The following DLGAP2 variants were observed in gnomAD, a reference collection of about 807,000 sequenced individuals.
DLGAP2 encodes DLG associated protein 2, also known as disks large-associated protein 2.
A neutral mutation model predicts 100.3 loss-of-function variants in DLGAP2; 26 were observed. The observed-to-expected ratio is 0.26, with a 90% CI of 0.19 to 0.36. The LOEUF (loss-of-function observed/expected upper bound fraction) is 0.36. Among genes scored for constraint, DLGAP2 ranks in the 10% least tolerant of loss-of-function variants. DLGAP2 has a pLI of 1.00. For missense variants in DLGAP2, 1,858 were observed against 1,453.2 expected, an observed-to-expected ratio of 1.28 and a Z score of -4.53; for synonymous variants, 886 against 630.1, an observed-to-expected ratio of 1.41 and a Z score of -6.08.
chr8:1,199,434 A>G (rs1323996176), intron 2 of DLGAP2, among the ~76,000 whole-genome samples: 1 of 152,190 alleles, frequency 6.6e-6, no homozygotes, highest in Non-Finnish European at 1.5e-5. Flanking sequence ...AAATTAGTGG[A>G]CATGTTAAAA....
At chr8:1,575,539 T>C (rs1802932160) in intron 6 of DLGAP2, among the ~76,000 whole-genome samples, 1 of 150,772 alleles carries the variant, frequency 6.6e-6, no homozygotes, top group Non-Finnish European at 1.5e-5. Flanking sequence ...TACATATGTA[T>C]ACATGTGCCA....
At position 1,598,188 on chromosome 8, in the gene DLGAP2, C is replaced by A. The variant is rs549708864; in HGVS notation, c.1443-28552C>A. 3.9e-5 allele frequency among the ~76,000 whole-genome samples: 6 copies of A among 152,284 alleles called. No homozygotes were observed. In the South Asian group the frequency reaches 8.3e-4, roughly 21 times the overall value. ...TGTTTACTGATTTGCATATGTTGAACCAGCCTTGCATCCCAGGGATGAAGC... is the reference window on the plus strand; with the variant it reads ...TGTTTACTGATTTGCATATGTTGAAACAGCCTTGCATCCCAGGGATGAAGC... On this transcript the variant is annotated intron_variant, in intron 6 of 14. Coordinates refer to ENST00000637795, the MANE Select transcript of DLGAP2 (RefSeq NM_001346810.2).
intron 3 of DLGAP2, among the ~76,000 whole-genome samples, chr8:1,283,967 T>C (rs2116954714): frequency 6.6e-6 from 1 of 152,368 alleles, no homozygotes; most frequent in Non-Finnish European, 1.5e-5. Context: ...TTCAAAGTGA[T>C]TGTCATTCAC....
In DLGAP2 at chr8:1,550,795, C is replaced by G. The variant is rs58662835; in HGVS notation, c.1230+1112C>G. On this transcript the variant is annotated intron_variant, in intron 5 of 14. Coordinates refer to ENST00000637795, the MANE Select transcript of DLGAP2 (RefSeq NM_001346810.2). ...CTGGAGAAGCTCTCTGGGAGGCACACGCTACTTCTGAGGATGCCACTCAGT... is the reference window on the plus strand; with the variant it reads ...CTGGAGAAGCTCTCTGGGAGGCACAGGCTACTTCTGAGGATGCCACTCAGT... Among the ~76,000 whole-genome samples, 690 of 152,318 alleles carry G rather than the reference C, an allele frequency of 4.5e-3. 7 individuals are homozygous for G. Among genetic ancestry groups the G allele is most frequent in the African/African-American group, 0.015 (607 of 41,576 alleles).
chr8:1,667,800 G>T (rs1183646668), intron 8 of DLGAP2, among the ~76,000 whole-genome samples: 1 of 152,168 alleles, frequency 6.6e-6, no homozygotes, highest in African/African-American at 2.4e-5. Flanking sequence ...CATGACCTGC[G>T]TAGAAATGAC....
chr8:1,188,250 C>T (rs372566970), intron 2 of DLGAP2, among the ~76,000 whole-genome samples: 8 of 133,458 alleles, frequency 6.0e-5, no homozygotes, highest in East Asian at 2.3e-4. Flanking sequence ...GTTTCCCTCA[C>T]GGAATCTCAC....
intron 6 of DLGAP2, among the ~76,000 whole-genome samples, chr8:1,614,410 A>T (rs2130739252): frequency 6.6e-6 from 1 of 152,356 alleles, no homozygotes; most frequent in African/African-American, 2.4e-5. Flanking sequence ...CAGGCAGGAC[A>T]AGGGGTGCCG....
chr8:785,966 A>G (rs912091121), intron 1 of DLGAP2, among the ~76,000 whole-genome samples: 2 of 152,212 alleles, frequency 1.3e-5, no homozygotes, highest in African/African-American at 4.8e-5. Context: ...ACCAGGCGAT[A>G]TCACGTACCC....
chr8:801,445 G>A (rs934778484), intron 1 of DLGAP2, among the ~76,000 whole-genome samples: 2 of 152,228 alleles, frequency 1.3e-5, no homozygotes, highest in African/African-American at 2.4e-5. Flanking sequence ...GCTTGGAAGT[G>A]CTGCCCTCAT....
chr8:1,130,100 CGCGAG>C lies in DLGAP2; in HGVS notation c.74-128750_74-128746del, dbSNP rs1563207027. On this transcript the variant is annotated intron_variant, in intron 2 of 14. Coordinates refer to ENST00000637795, the MANE Select transcript of DLGAP2 (RefSeq NM_001346810.2). ...TTAAGGGATCGTGTCAGACACTTCA[CGCGAG>C]TTAAGGGATCGTGTCAGACACTTCA... Among the ~76,000 whole-genome samples, 5 of 2,094 alleles carry C rather than the reference CGCGAG, an allele frequency of 2.4e-3. No individual in the cohort carries two copies. The East Asian group carries it at 0.024, about 10-fold the overall frequency. The allele number at this position is 2,094 out of a possible 152,430, so 1.4% of individuals were successfully genotyped here. A position where few individuals can be genotyped will look rare whatever the true frequency, so the allele number is the denominator to read the frequency against.
At chr8:1,392,072 A>T (rs576510829) in intron 3 of DLGAP2, among the ~76,000 whole-genome samples, 4 of 151,248 alleles carry the variant, frequency 2.6e-5, no homozygotes, top group Admixed American at 2.6e-4. Context: ...CTTTCAGAAA[A>T]CCCAGGTCAT....
intron 3 of DLGAP2, among the ~76,000 whole-genome samples, chr8:1,415,504 C>G (rs972660218): frequency 1.3e-5 from 2 of 152,108 alleles, no homozygotes; most frequent in Non-Finnish European, 2.9e-5. Flanking sequence ...GCTGTTCGCA[C>G]CTTTATGTCC....
In DLGAP2 at chr8:1,337,259, GTGA is replaced by G. The variant is rs1303029612; in HGVS notation, c.106+78383_106+78385del. Among the ~76,000 whole-genome samples the G allele has an allele frequency of 8.2e-5, 12 of 147,102 alleles. No individual in the cohort carries two copies. In the East Asian group the frequency reaches 1.7e-3, roughly 20 times the overall value. On this transcript the variant is annotated intron_variant, in intron 3 of 14. Transcript: ENST00000637795. Reference sequence around the variant, plus strand: ...GGTGAGAATGATGGTGATGATGGTGGTGATGATGAGGATGATGGTGGTGGTGGC... The same window carrying G: ...GGTGAGAATGATGGTGATGATGGTGGTGATGAGGATGATGGTGGTGGTGGC...
At chr8:778,110 T>G (rs936696618) in intron 1 of DLGAP2, among the ~76,000 whole-genome samples, 1 of 152,204 alleles carries the variant, frequency 6.6e-6, no homozygotes. Context: ...CTTCCACCGC[T>G]GATACCCTTT....
intron 3 of DLGAP2, among the ~76,000 whole-genome samples, chr8:1,266,462 C>G (rs1158601453): frequency 6.6e-6 from 1 of 152,268 alleles, no homozygotes; most frequent in East Asian, 1.9e-4. Flanking sequence ...CATCAACCTG[C>G]TCTTTATGGC....
At chr8:1,109,068 G>A (rs370580927) in intron 2 of DLGAP2, among the ~76,000 whole-genome samples, 28 of 105,940 alleles carry the variant, frequency 2.6e-4, no homozygotes, top group South Asian at 3.8e-4. Flanking sequence ...AGTGTGCTGG[G>A]TCTGTGAGGT....
chr8:740,130 A>G (rs1457296054), intron 1 of DLGAP2: 2 of 152,212 alleles, frequency 1.3e-5, no homozygotes, highest in Non-Finnish European at 2.9e-5. Context: ...AAATCTGTAT[A>G]TTATAATTTC....
Position 1,559,810 on chromosome 8 carries a change from C to T in DLGAP2, c.1231-5873C>T, listed in dbSNP as rs530477033. Among the ~76,000 whole-genome samples the T allele has an allele frequency of 3.9e-4, 60 of 152,322 alleles. No individual in the cohort carries two copies. The South Asian group carries it at 4.8e-3, about 12-fold the overall frequency. On this transcript the variant is annotated intron_variant, in intron 5 of 14. Transcript: ENST00000637795. ...AGGAGAGTGGCAGCGTGAGCTCCCCCGTGCCCAGGAACTGGGTGGCCGGGC... is the reference window on the plus strand; with the variant it reads ...AGGAGAGTGGCAGCGTGAGCTCCCCTGTGCCCAGGAACTGGGTGGCCGGGC...
intron 5 of DLGAP2, among the ~76,000 whole-genome samples, chr8:1,550,218 G>A (rs1195799974): frequency 6.6e-6 from 1 of 152,202 alleles, no homozygotes; most frequent in Middle Eastern, 3.2e-3. Context: ...AGACTGAGTA[G>A]TGTCCCCTGT....
Sources: gnomAD v4.1 joint callset for allele counts (sites outside exome capture counted in the v4.1 genomes callset) on GRCh38, gnomAD v4.1.1 for gene constraint, MANE v1.5 for transcripts, NCBI Gene and HGNC (gene_info 2026-07-23, HGNC 2026-07-21) for gene names.